Variants in RBSN observed in about 807,000 individuals in gnomAD.
The protein encoded by RBSN is rabenosyn, RAB effector.
A neutral mutation model predicts 60.5 loss-of-function variants in RBSN; 34 were observed. That is an observed-to-expected ratio of 0.56 (90% confidence interval 0.43 to 0.75). The LOEUF (loss-of-function observed/expected upper bound fraction) is 0.75. Ranked by LOEUF, RBSN falls within the 30% of genes least tolerant of loss-of-function variation. RBSN has a pLI of 0.00. For missense variants in RBSN, 845 were observed against 986.8 expected (o/e 0.86, Z 1.92); for synonymous variants, 322 against 366.9 (o/e 0.88, Z 1.40).
rs745854858 is a variant in RBSN, at chr3:15,075,630, C to G, written c.1182G>C (p.Glu394Asp). ...ELKKKRKEEM[E>D]RKRAVERQAA... The stretch of plus-strand genomic sequence containing the variant: ...CTTGTCTCTCCACGGCCCTCTTCCT[C>G]TCCATTTCCTCCTTCCTTTTCTTTT... The change falls in exon 13 of 14, where the codon GAG becomes GAC. Residue 394 changes from glutamate to aspartate, a missense_variant. Transcript: ENST00000253699. 6.2e-7 allele frequency: 1 copy of G among 1,614,226 alleles called. No homozygotes were observed. Among genetic ancestry groups the G allele is most frequent in the South Asian group, 1.1e-5 (1 of 91,086 alleles).
intron 4 of RBSN, chr3:15,095,758 C>T (rs1232609578): frequency 8.1e-6 from 5 of 618,718 alleles, no homozygotes; most frequent in African/African-American, 3.7e-5. Flanking sequence ...GTGTCTGGTT[C>T]GAAATGTGGC....
In RBSN at chr3:15,082,326, T is replaced by C; in HGVS notation, c.840+41A>G. ...AGTGTACATAACAAACAGCCAAATC[T>C]GCCTAAGAAATTAGACCCAAGACCA... On this transcript the variant is annotated intron_variant, in intron 9 of 13. Transcript: ENST00000253699. The surrounding 1 kb of genome is among the most constrained non-coding windows in gnomAD (Gnocchi z 4.2). 1 of 1,593,568 alleles carries C rather than the reference T, an allele frequency of 6.3e-7. No homozygotes were observed. The highest frequency in any genetic ancestry group is 1.7e-5 in the Admixed American group (1 of 59,668).
chr3:15,081,486 GGTC>G (rs1336943468), intron 9 of RBSN: 1 of 152,350 alleles, frequency 6.6e-6, no homozygotes. Context: ...TGAGATACCA[GGTC>G]GTGAACTCCA....
Position 15,070,787 on chromosome 3 carries a change from T to C in RBSN, c.*2995A>G, listed in dbSNP as rs1047789248. The C allele has an allele frequency of 1.3e-5, 2 of 152,716 alleles. No homozygotes were observed. Among genetic ancestry groups the C allele is most frequent in the Admixed American group, 6.5e-5 (1 of 15,292 alleles). 9.5% of individuals were successfully genotyped at this position (152,716 alleles called of 1,614,324 possible). On this transcript the variant is annotated 3_prime_UTR_variant, in exon 14 of 14. Transcript: ENST00000253699. ...ATGGATAAACTTAATCAAAAGAATA[T>C]GATTTTAGTTTGGTTTAGTATATTC...
chr3:15,095,093 A>G lies in RBSN; in HGVS notation c.148+880T>C, dbSNP rs181317678. ...CAGTGGCATGATCATCGCTCACTAC[A>G]GCCTTGACCTCCCTGGGCTCAAGTG... is the stretch of plus-strand genomic sequence containing the variant. On this transcript the variant is annotated intron_variant, in intron 4 of 13. Transcript: ENST00000253699. 5.8e-3 allele frequency among the ~76,000 whole-genome samples: 885 copies of G among 152,074 alleles called. 10 individuals carry two copies. Among genetic ancestry groups the G allele is most frequent in the African/African-American group, 0.02 (833 of 41,478 alleles).
At chr3:15,078,779 C>CATATATATATATAT (rs57572763) in intron 10 of RBSN, among the ~76,000 whole-genome samples, 6 of 50,684 alleles carry the variant, frequency 1.2e-4, no homozygotes, top group African/African-American at 5.2e-4. Context: ...AAAAAAAATA[C>CATATATATATATAT]ATATATATAT....
At chr3:15,097,092 T>G (rs756733742) in intron 2 of RBSN, among the ~76,000 whole-genome samples, 23 of 152,158 alleles carry the variant, frequency 1.5e-4, no homozygotes, top group Non-Finnish European at 2.9e-4. Flanking sequence ...ACTCCTGGCC[T>G]CAGGCAATCC....
intron 5 of RBSN, among the ~76,000 whole-genome samples, chr3:15,089,046 T>C (rs1479473767): frequency 6.6e-6 from 1 of 152,110 alleles, no homozygotes; most frequent in African/African-American, 2.4e-5. Flanking sequence ...TTGTGAAAGG[T>C]GAACAAGATC....
intron 4 of RBSN, chr3:15,091,286 A>G (rs900011019): frequency 6.4e-5 from 61 of 946,430 alleles, no homozygotes; most frequent in Non-Finnish European, 1.0e-5. Flanking sequence ...AACAAGTTCT[A>G]TAGTACTAAT....
chr3:15,098,243 C>T lies in RBSN; in HGVS notation c.-469G>A, dbSNP rs1008590179. The stretch of plus-strand genomic sequence containing the variant: ...GGGCACAGACTCTATATGTTTTCCA[C>T]TTCGCCGTCTCCCCAGGGTTTAGCA... On this transcript the variant is annotated 5_prime_UTR_variant, in exon 2 of 14. It adds an upstream start codon to the 5' untranslated region. Coordinates refer to ENST00000253699, the MANE Select transcript of RBSN (RefSeq NM_022340.4). 7 of 152,090 alleles carry T rather than the reference C, an allele frequency of 4.6e-5. No individual in the cohort carries two copies. Among genetic ancestry groups the T allele is most frequent in the Non-Finnish European group, 8.8e-5 (6 of 68,038 alleles). 9.4% of individuals were successfully genotyped at this position (152,090 alleles called of 1,614,324 possible).
chr3:15,083,278 G>C (rs1433545263), intron 8 of RBSN, among the ~76,000 whole-genome samples: 1 of 152,176 alleles, frequency 6.6e-6, no homozygotes, highest in East Asian at 1.9e-4. Flanking sequence ...TGGTCTCAGG[G>C]AGAAAGTATC....
Position 15,074,037 on chromosome 3 carries a change from C to A in RBSN, c.2100G>T (p.Arg700Ser). ...FSEEDEHPQQ[R>S]LSSPLVPGNP... ...TACCAGGAACCAGAGGGCTTGAGAG[C>A]CTCTGCTGGGGATGTTCGTCTTCCT... Residue 700 changes from arginine to serine, a missense_variant, in exon 14 of 14, where the codon AGG becomes AGT. Transcript: ENST00000253699. The surrounding 1 kb of genome is among the most constrained non-coding windows in gnomAD (Gnocchi z 6.4). 6.2e-7 allele frequency: 1 copy of A among 1,614,040 alleles called. No individual in the cohort carries two copies. Among genetic ancestry groups the A allele is most frequent in the Non-Finnish European group, 8.5e-7 (1 of 1,180,012 alleles).
At position 15,073,869 on chromosome 3, in the gene RBSN, G is replaced by A. The variant is rs61740931; in HGVS notation, c.2268C>T (p.Cys756=). 4,910 of 1,613,944 alleles carry A rather than the reference G, an allele frequency of 3.0e-3. 16 individuals are homozygous for A. The highest frequency in any genetic ancestry group is 7.4e-3 in the Middle Eastern group (45 of 6,062). The change falls in exon 14 of 14, where the codon TGC becomes TGT. Residue 756 remains cysteine, a synonymous_variant. Coordinates refer to ENST00000253699, the MANE Select transcript of RBSN (RefSeq NM_022340.4). The part of the protein sequence containing the change: ...IKAYIFDAKQ[C]GRLDEVEVLT... ...GCACCTCTACCTCATCCAGGCGGCCGCACTGCTTGGCATCAAAGATGTATG... is the reference window on the plus strand; with the variant it reads ...GCACCTCTACCTCATCCAGGCGGCCACACTGCTTGGCATCAAAGATGTATG...
chr3:15,098,462 A>G, intron 1 of RBSN, among the ~76,000 whole-genome samples, 188 bp from the exon 2 acceptor site: 1 of 17,208 alleles, frequency 5.8e-5, no homozygotes. Context: ...AAGTAAAAAA[A>G]ATAAAAATAA....
intron 9 of RBSN, among the ~76,000 whole-genome samples, chr3:15,081,788 C>G (rs2043210670): frequency 1.3e-5 from 2 of 152,220 alleles, no homozygotes; most frequent in Non-Finnish European, 2.9e-5. Context: ...TCTCACCTGG[C>G]CATTAAGGGA....
At chr3:15,076,281 C>T (rs2043051441) in intron 12 of RBSN, among the ~76,000 whole-genome samples, 1 of 152,106 alleles carries the variant, frequency 6.6e-6, no homozygotes, top group Admixed American at 6.5e-5. Context: ...AGTTAGAAAA[C>T]TAACCTGACA....
intron 4 of RBSN, among the ~76,000 whole-genome samples, chr3:15,094,777 G>C (rs2043607545): frequency 6.6e-6 from 1 of 152,188 alleles, no homozygotes; most frequent in African/African-American, 2.4e-5. Flanking sequence ...AGAAAAGTGA[G>C]ATAGAGTGAG....
At chr3:15,097,597 T>C (rs1198825327) in intron 2 of RBSN, among the ~76,000 whole-genome samples, 9 of 152,252 alleles carry the variant, frequency 5.9e-5, no homozygotes, top group Admixed American at 4.6e-4. Context: ...TTACATTCTC[T>C]TTCTTACTGG....
At chr3:15,098,049 TG>T (rs1000077294) in intron 2 of RBSN, 69 bp downstream of exon 2, 43 of 152,618 alleles carry the variant, frequency 2.8e-4, no homozygotes, top group African/African-American at 1.0e-3. Flanking sequence ...ACCACATCCA[TG>T]CCACACAACC....
Sources: allele counts gnomAD v4.1 joint callset (sites outside exome capture counted in the v4.1 genomes callset), GRCh38; gene constraint gnomAD v4.1.1; non-coding constraint Gnocchi (gnomAD v3.1); transcripts MANE v1.5; gene names NCBI Gene and HGNC (gene_info 2026-07-23, HGNC 2026-07-21).